The following ILRUN variants were observed in gnomAD, a reference collection of about 807,000 sequenced individuals.
ILRUN encodes inflammation and lipid regulator with UBA-like and NBR1-like domains, also known as protein ILRUN.
In ILRUN, 3 loss-of-function variants were observed where a neutral mutation model predicts 33.8. That is an observed-to-expected ratio of 0.09 (90% confidence interval 0.04 to 0.23). The LOEUF (loss-of-function observed/expected upper bound fraction) is 0.23, where lower values mean the gene tolerates loss of function less well. Ranked by LOEUF, ILRUN falls within the 10% of genes least tolerant of loss-of-function variation. The probability of loss-of-function intolerance (pLI) is 1.00; values close to 1 mark genes in which losing one functional copy is unlikely to be tolerated. For missense variants in ILRUN, 210 were observed against 375.1 expected (o/e 0.56, Z 3.64); for synonymous variants, 124 against 138.9 (o/e 0.89, Z 0.75).
rs1038502127 is a variant in ILRUN at position 34,588,273 on chromosome 6, T to C, written c.*2292A>G. On this transcript the variant is annotated 3_prime_UTR_variant, in exon 5 of 5. Coordinates refer to ENST00000374023, the MANE Select transcript of ILRUN (RefSeq NM_024294.4). ...GGGACATTTAACTTGCCAAGTGTGGTTGCCTAGAAGCAAGAGGAAGAGCAA... is the reference window on the plus strand; with the variant it reads ...GGGACATTTAACTTGCCAAGTGTGGCTGCCTAGAAGCAAGAGGAAGAGCAA... The C allele has an allele frequency of 2.8e-5, 11 of 398,504 alleles. No homozygotes were observed. Among genetic ancestry groups the C allele is most frequent in the Non-Finnish European group, 4.9e-5 (11 of 226,096 alleles). 24.7% of individuals were successfully genotyped at this position (398,504 alleles called of 1,614,324 possible). A position where few individuals can be genotyped will look rare whatever the true frequency, so the allele number is the denominator to read the frequency against.
intron 1 of ILRUN, among the ~76,000 whole-genome samples, chr6:34,676,929 A>G (rs1763246161): frequency 6.6e-6 from 1 of 151,868 alleles, no homozygotes; most frequent in South Asian, 2.1e-4. Context: ...TCAAAAGGGC[A>G]TACCTTGACC....
At chr6:34,614,675 T>C (rs1761842629) in intron 3 of ILRUN, among the ~76,000 whole-genome samples, 1 of 151,620 alleles carries the variant, frequency 6.6e-6, no homozygotes, top group African/African-American at 2.4e-5. Context: ...TGGGCTAGCC[T>C]TGTGATTCGC....
chr6:34,655,876 T>A (rs1452795408), intron 1 of ILRUN, among the ~76,000 whole-genome samples: 2 of 152,030 alleles, frequency 1.3e-5, no homozygotes, highest in Non-Finnish European at 1.5e-5. Context: ...TCCCATCTAA[T>A]AGGTTAAAAA....
intron 3 of ILRUN, among the ~76,000 whole-genome samples, chr6:34,623,020 C>T (rs556776435): frequency 5.0e-4 from 76 of 152,244 alleles, no homozygotes; most frequent in Middle Eastern, 6.8e-3. Context: ...TATAATTCCA[C>T]GTATGTGAGG....
chr6:34,642,624 T>C (rs1268322594), intron 3 of ILRUN, among the ~76,000 whole-genome samples: 1 of 152,006 alleles, frequency 6.6e-6, no homozygotes, highest in Non-Finnish European at 1.5e-5. Flanking sequence ...GCAAAGGTCA[T>C]GGCAACAAAT....
At chr6:34,608,895 CCA>C (rs1761687349) in intron 3 of ILRUN, among the ~76,000 whole-genome samples, 1 of 152,168 alleles carries the variant, frequency 6.6e-6, no homozygotes, top group Non-Finnish European at 1.5e-5. Flanking sequence ...GCACCTCACT[CCA>C]GAGAACAGTG....
chr6:34,650,597 A>AT (rs1437575884), intron 2 of ILRUN, among the ~76,000 whole-genome samples: 1 of 151,546 alleles, frequency 6.6e-6, no homozygotes, highest in African/African-American at 2.4e-5. Context: ...TGCCTGGCTA[A>AT]TTTTTTTGCA....
chr6:34,641,632 T>C (rs1470233540), intron 3 of ILRUN, among the ~76,000 whole-genome samples: 2 of 152,200 alleles, frequency 1.3e-5, no homozygotes, highest in Non-Finnish European at 2.9e-5. Flanking sequence ...AAAGGTTCCA[T>C]AGCTTAACAA....
At position 34,654,004 on chromosome 6, in the gene ILRUN, T is replaced by C. The variant is rs77538632; in HGVS notation, c.313+621A>G. Among the ~76,000 whole-genome samples the C allele has an allele frequency of 1.9e-3, 286 of 151,258 alleles. 2 individuals carry two copies. The highest frequency in any genetic ancestry group is 0.014 in the East Asian group (70 of 5,160). Reference sequence around the variant, plus strand: ...AAAAAAAAAAAGTGCTGGGATTCTGTGTGTGAGCTACCACACCCAATCTGT... The same window carrying C: ...AAAAAAAAAAAGTGCTGGGATTCTGCGTGTGAGCTACCACACCCAATCTGT... On this transcript the variant is annotated intron_variant, in intron 2 of 4. Coordinates refer to ENST00000374023, the MANE Select transcript of ILRUN (RefSeq NM_024294.4).
intron 1 of ILRUN, among the ~76,000 whole-genome samples, chr6:34,692,883 A>T (rs1205753277): frequency 6.6e-6 from 1 of 152,166 alleles, no homozygotes; most frequent in African/African-American, 2.4e-5. Flanking sequence ...CCCGTCTGAC[A>T]TGAGAAAAAG....
chr6:34,645,864 G>C lies in ILRUN; in HGVS notation c.511+737C>G, dbSNP rs1330487418. On this transcript the variant is annotated intron_variant, in intron 3 of 4. Transcript: ENST00000374023. Reference sequence around the variant, plus strand: ...TGAATGGGGCCCAACTAAGAATCTAGGAATCCCAGGGTAAAGTTGAGAATA... The same window carrying C: ...TGAATGGGGCCCAACTAAGAATCTACGAATCCCAGGGTAAAGTTGAGAATA... Among the ~76,000 whole-genome samples the C allele has an allele frequency of 2.0e-5, 3 of 152,184 alleles. No homozygotes were observed. In the East Asian group the frequency reaches 5.8e-4, roughly 29 times the overall value.
chr6:34,671,913 C>G (rs1246643847), intron 1 of ILRUN: 1 of 152,256 alleles, frequency 6.6e-6, no homozygotes, highest in Non-Finnish European at 1.5e-5. Flanking sequence ...TAGCCCAAAA[C>G]AGTTCAGGAA....
chr6:34,597,662 C>G (rs552244759), intron 4 of ILRUN, among the ~76,000 whole-genome samples: 1 of 152,310 alleles, frequency 6.6e-6, no homozygotes, highest in Non-Finnish European at 1.5e-5. Context: ...TGGTTCCTTT[C>G]AGCTATATTT....
At chr6:34,627,106 T>A (rs11967748) in intron 3 of ILRUN, among the ~76,000 whole-genome samples, 12 of 152,320 alleles carry the variant, frequency 7.9e-5, no homozygotes, top group African/African-American at 2.6e-4. Context: ...ACTGATGCTT[T>A]TACTGTCTCC....
intron 4 of ILRUN, chr6:34,595,839 T>C (rs1195930299): frequency 1.0e-6 from 1 of 985,300 alleles, no homozygotes; most frequent in Non-Finnish European, 1.2e-6. Context: ...TGGTGTATAC[T>C]GATGGCATTA....
intron 1 of ILRUN, among the ~76,000 whole-genome samples, chr6:34,665,811 A>T (rs1762984091): frequency 6.6e-6 from 1 of 152,204 alleles, no homozygotes; most frequent in Admixed American, 6.5e-5. Flanking sequence ...CATACAGTGA[A>T]AAATGCATAG....
chr6:34,683,534 T>TATATA (rs1562033474), intron 1 of ILRUN, among the ~76,000 whole-genome samples: 10 of 131,314 alleles, frequency 7.6e-5, no homozygotes, highest in African/African-American at 3.0e-4. Flanking sequence ...ATATACATAT[T>TATATA]GCACAGAATA....
At chr6:34,633,871 TGGAGGGAGAGAGGGAGGGAGGGAGGGAG>T (rs1446856497) in intron 3 of ILRUN, among the ~76,000 whole-genome samples, 1 of 58,600 alleles carries the variant, frequency 1.7e-5, no homozygotes, top group African/African-American at 8.1e-5. Flanking sequence ...GAGGGAGACA[TGGAGGGAGAGAGGGAGGGAGGGAGGGAG>T]GGAGGGAGGG....
At chr6:34,679,927 G>A (rs1271993748) in intron 1 of ILRUN, among the ~76,000 whole-genome samples, 1 of 152,228 alleles carries the variant, frequency 6.6e-6, no homozygotes, top group Non-Finnish European at 1.5e-5. Context: ...GAGGCAAGAA[G>A]GGATGCTGCC....
Sources: allele counts gnomAD v4.1 joint callset (sites outside exome capture counted in the v4.1 genomes callset), GRCh38; gene constraint gnomAD v4.1.1; transcripts MANE v1.5; gene names NCBI Gene and HGNC (gene_info 2026-07-23, HGNC 2026-07-21).